CTNND2: variants seen among roughly 807,000 people sequenced by gnomAD.
CTNND2 encodes the protein catenin delta 2.
CTNND2 carries 22 observed loss-of-function variants against 144.4 expected under a neutral mutation model. That is an observed-to-expected ratio of 0.15 (90% CI 0.11 to 0.22). The LOEUF (loss-of-function observed/expected upper bound fraction) is 0.22, where lower values mean the gene tolerates loss of function less well. CTNND2 is among the 10% of genes least tolerant of loss of function. The pLI, the probability that CTNND2 is intolerant of heterozygous loss-of-function variation, is 1.00. For missense variants in CTNND2, 1,353 were observed against 1,618.8 expected (o/e 0.84, Z 2.82); for synonymous variants, 751 against 695.6 (o/e 1.08, Z -1.25).
chr5:11,340,097 C>T (rs1222225228), intron 9 of CTNND2, among the ~76,000 whole-genome samples: 3 of 152,134 alleles, frequency 2.0e-5, no homozygotes, highest in African/African-American at 4.8e-5. Flanking sequence ...CCACTGGCTA[C>T]CCTCCTCCAT....
chr5:11,869,063 A>G (rs973927286), intron 1 of CTNND2, among the ~76,000 whole-genome samples: 2 of 152,192 alleles, frequency 1.3e-5, no homozygotes, highest in African/African-American at 4.8e-5. Context: ...CTTCATATCC[A>G]TTAGAATGGC....
chr5:11,891,108 A>G (rs1230039424), intron 1 of CTNND2, among the ~76,000 whole-genome samples: 1 of 152,170 alleles, frequency 6.6e-6, no homozygotes, highest in Non-Finnish European at 1.5e-5. Flanking sequence ...TTCAACCAAG[A>G]TGAAAAGCAT....
intron 3 of CTNND2, among the ~76,000 whole-genome samples, chr5:11,457,164 G>A (rs927787045): frequency 1.3e-5 from 2 of 152,084 alleles, no homozygotes; most frequent in African/African-American, 4.8e-5. Flanking sequence ...CACTTTGAGA[G>A]GCTGAAGTGG....
At chr5:11,011,061 G>A (rs949373303) in intron 18 of CTNND2, among the ~76,000 whole-genome samples, 1 of 152,158 alleles carries the variant, frequency 6.6e-6, no homozygotes, top group Non-Finnish European at 1.5e-5. Context: ...TGGAGTGGAG[G>A]GGGGCACAAC....
intron 2 of CTNND2, among the ~76,000 whole-genome samples, chr5:11,662,047 A>T (rs1045625331): frequency 6.9e-6 from 1 of 145,002 alleles, no homozygotes; most frequent in African/African-American, 2.8e-5. Flanking sequence ...ACACACACAT[A>T]TATATACATA....
Position 11,384,308 on chromosome 5 carries a change from G to C in CTNND2, c.1177+357C>G, listed in dbSNP as rs778892539. Among the ~76,000 whole-genome samples, 1 of 152,136 alleles carries C rather than the reference G, an allele frequency of 6.6e-6. No homozygotes were observed. Among genetic ancestry groups the C allele is most frequent in the African/African-American group, 2.4e-5 (1 of 41,434 alleles). ...CCTGTCAATACTGCAACTGTTACTTGTTTTGCTTTTTTTCTGGATACCATC... is the reference window on the plus strand; with the variant it reads ...CCTGTCAATACTGCAACTGTTACTTCTTTTGCTTTTTTTCTGGATACCATC... On this transcript the variant is annotated intron_variant, in intron 7 of 21. Transcript: ENST00000304623. The surrounding 1 kb of genome is among the most constrained non-coding windows in gnomAD (Gnocchi z 5.2).
chr5:11,753,581 G>A (rs1788741884), intron 1 of CTNND2, among the ~76,000 whole-genome samples: 1 of 151,748 alleles, frequency 6.6e-6, no homozygotes, highest in African/African-American at 2.4e-5. Flanking sequence ...TTTGAAATTT[G>A]TTGATGACTT....
chr5:11,403,473 ACT>A (rs1760807794), intron 5 of CTNND2, among the ~76,000 whole-genome samples: 1 of 152,190 alleles, frequency 6.6e-6, no homozygotes, highest in African/African-American at 2.4e-5. Flanking sequence ...CATAAAAATA[ACT>A]CTCAAATGTA....
intron 2 of CTNND2, among the ~76,000 whole-genome samples, chr5:11,656,007 A>T (rs1264426498): frequency 1.5e-5 from 1 of 65,708 alleles, no homozygotes; most frequent in Non-Finnish European, 2.5e-5. Flanking sequence ...TTGATTCAGT[A>T]AAAAAAAAAA....
intron 16 of CTNND2, among the ~76,000 whole-genome samples, chr5:11,052,173 A>G (rs928923871): frequency 5.3e-5 from 8 of 152,178 alleles, no homozygotes; most frequent in African/African-American, 1.7e-4. Context: ...TAGATCATTG[A>G]TGGTTTTGTA....
intron 3 of CTNND2, among the ~76,000 whole-genome samples, chr5:11,429,831 G>C (rs1306187139): frequency 6.6e-6 from 1 of 152,082 alleles, no homozygotes; most frequent in African/African-American, 2.4e-5. Flanking sequence ...ATCAACCTAG[G>C]GGAAAACTGC....
At chr5:11,489,154 G>A (rs759783239) in intron 3 of CTNND2, among the ~76,000 whole-genome samples, 4 of 152,112 alleles carry the variant, frequency 2.6e-5, no homozygotes, top group Non-Finnish European at 4.4e-5. Context: ...ATAGTATTTT[G>A]CATTCCCTCG....
At chr5:11,379,863 G>A (rs1215157424) in intron 7 of CTNND2, among the ~76,000 whole-genome samples, 1 of 152,126 alleles carries the variant, frequency 6.6e-6, no homozygotes, top group African/African-American at 2.4e-5. Flanking sequence ...GTCCATTACA[G>A]TGGGATGCAG....
intron 9 of CTNND2, among the ~76,000 whole-genome samples, chr5:11,295,191 GACAA>G (rs1015574038): frequency 7.2e-5 from 11 of 152,076 alleles, no homozygotes; most frequent in African/African-American, 1.9e-4. Flanking sequence ...ACCAATAAAA[GACAA>G]ACAAAGAGCC....
At chr5:11,879,341 G>GTGTGTATATATATATATATATATA in intron 1 of CTNND2, among the ~76,000 whole-genome samples, 8 of 109,384 alleles carry the variant, frequency 7.3e-5, no homozygotes, top group Admixed American at 2.0e-4. Flanking sequence ...TTAAATGTGT[G>GTGTGTATATATATATATATATATA]TATATATATA....
intron 1 of CTNND2, among the ~76,000 whole-genome samples, chr5:11,848,100 G>T (rs1370616441): frequency 6.6e-6 from 1 of 151,708 alleles, no homozygotes; most frequent in Non-Finnish European, 1.5e-5. Context: ...TTTCTCCCTT[G>T]CAAGGCAAAA....
chr5:11,364,809 A>C lies in CTNND2; in HGVS notation c.1259T>G (p.Ile420Arg). The C allele has an allele frequency of 6.2e-7, 1 of 1,613,946 alleles. No individual in the cohort carries two copies. The highest frequency in any genetic ancestry group is 8.5e-7 in the Non-Finnish European group (1 of 1,179,950). The change falls in exon 8 of 22, where the codon ATA becomes AGA. Residue 420 changes from isoleucine to arginine, a missense_variant. Ile to Arg is a moderately conservative substitution (Grantham distance 97). Around this residue, in one of 4 missense-constraint regions of CTNND2, gnomAD observed 708 missense variants for 706.4 expected, o/e 1.00. Transcript: ENST00000304623. ...GACGCGGTCTTCATAGATGGGATCT[A>C]TGTGGTGTTCTGGGGACTGCAGGGC... is the stretch of plus-strand genomic sequence containing the variant. ...LRALQSPEHH[I>R]DPIYEDRVYQ...
In CTNND2 at chr5:10,988,409, T is replaced by G. The variant is rs1738281639; in HGVS notation, c.3212-167A>C. 6.6e-6 allele frequency among the ~76,000 whole-genome samples: 1 copy of G among 152,160 alleles called. No individual in the cohort carries two copies. The highest frequency in any genetic ancestry group is 6.5e-5 in the Admixed American group (1 of 15,274). ...TATTTTTTGGCAGTTTTGGCTCTTG[T>G]CCCTGCCCCATTCCCTCACCTGTGA... On this transcript the variant is annotated intron_variant, in intron 19 of 21. Coordinates refer to ENST00000304623, the MANE Select transcript of CTNND2 (RefSeq NM_001332.4). The surrounding 1 kb of genome is among the most constrained non-coding windows in gnomAD (Gnocchi z 5.9).
intron 11 of CTNND2, among the ~76,000 whole-genome samples, chr5:11,169,523 T>C (rs1345507685): frequency 4.6e-5 from 7 of 152,208 alleles, no homozygotes. Flanking sequence ...TTGAGCTGTT[T>C]ACAGTTCCAT....
Sources: gnomAD v4.1 joint callset for allele counts (sites outside exome capture counted in the v4.1 genomes callset) on GRCh38, gnomAD v4.1.1 for gene constraint, gnomAD v4.1.1 regional missense constraint, Gnocchi (gnomAD v3.1) non-coding constraint, MANE v1.5 for transcripts, NCBI Gene and HGNC (gene_info 2026-07-23, HGNC 2026-07-21) for gene names.